SS18: variants seen among roughly 807,000 people sequenced by gnomAD.
The protein encoded by SS18 is SS18 subunit of BAF chromatin remodeling complex, also known as protein SSXT.
SS18 carries 28 observed loss-of-function variants against 72.5 expected under a neutral mutation model. The ratio of observed to expected loss-of-function variants is 0.39; its 90% CI spans 0.29 to 0.53. The LOEUF is 0.53. Ranked by LOEUF, SS18 falls within the 20% of genes least tolerant of loss-of-function variation. The pLI is 0.76. For synonymous variants in SS18, 172 were observed against 164.2 expected (o/e 1.05, Z -0.37); for missense variants, 518 against 535.3 (o/e 0.97, Z 0.32).
At chr18:26,082,612 T>A in intron 2 of SS18, 1 of 641,610 alleles carries the variant, frequency 1.6e-6, no homozygotes, top group Non-Finnish European at 1.9e-6. Context: ...AGTGAATCAG[T>A]AACACATTCT....
At chr18:26,025,373 C>A (rs772829336) in intron 10 of SS18, among the ~76,000 whole-genome samples, 3 of 151,952 alleles carry the variant, frequency 2.0e-5, no homozygotes, top group Non-Finnish European at 4.4e-5. Flanking sequence ...TAATAAAGTT[C>A]TGGGCAGAAA....
At chr18:26,046,191 C>CAAAAAAAAAAAAAAAA (rs760639087) in intron 5 of SS18, among the ~76,000 whole-genome samples, 3 of 45,060 alleles carry the variant, frequency 6.7e-5, no homozygotes, top group Non-Finnish European at 1.2e-4. Flanking sequence ...GACTCCGTCT[C>CAAAAAAAAAAAAAAAA]AAAAAAAAAA....
chr18:26,041,874 G>C (rs1233778640), intron 5 of SS18, among the ~76,000 whole-genome samples: 1 of 152,078 alleles, frequency 6.6e-6, no homozygotes, highest in African/African-American at 2.4e-5. Context: ...TTGGGACTGT[G>C]AGCAGTTCCA....
intron 3 of SS18, among the ~76,000 whole-genome samples, chr18:26,072,999 T>G (rs529735952): frequency 6.6e-5 from 10 of 152,012 alleles, no homozygotes; most frequent in Admixed American, 2.0e-4. Context: ...CCTAACCTAA[T>G]AGACATATAT....
intron 7 of SS18, 48 bp downstream of exon 7, chr18:26,038,507 T>G (rs756933111): frequency 1.3e-6 from 2 of 1,498,932 alleles, no homozygotes; most frequent in Non-Finnish European, 1.9e-6. Flanking sequence ...TCTACATTAA[T>G]ATTAGGCAGG....
Position 26,035,665 on chromosome 18 carries a change from T to C in SS18, c.973+166A>G. 1 of 423,388 alleles carries C rather than the reference T, an allele frequency of 2.4e-6. No individual in the cohort carries two copies. Among genetic ancestry groups the C allele is most frequent in the Non-Finnish European group, 4.2e-6 (1 of 240,072 alleles). The allele number at this position is 423,388 out of a possible 1,614,324, so 26.2% of individuals were successfully genotyped here. ...AGTCATGGTTATACATTTTAAATAT[T>C]TGTAAGGAAATTATTTTGATTGTTT... is the stretch of plus-strand genomic sequence containing the variant. On this transcript the variant is annotated intron_variant, in intron 8 of 10. Transcript: ENST00000415083. This position sits in a 1 kb window ranked among gnomAD's most constrained non-coding sequence, Gnocchi z 4.4.
intron 7 of SS18, among the ~76,000 whole-genome samples, chr18:26,036,359 G>A (rs1475254049): frequency 1.3e-5 from 2 of 152,098 alleles, no homozygotes; most frequent in Non-Finnish European, 2.9e-5. Flanking sequence ...ATATAAAAGA[G>A]TTCCATAAGT....
At chr18:26,080,313 G>C (rs905327893) in intron 2 of SS18, 65 of 984,878 alleles carry the variant, frequency 6.6e-5, no homozygotes, top group Non-Finnish European at 7.8e-5. Flanking sequence ...ACCTGTTTCA[G>C]TCTAGGCCTT....
rs1189237936 is a variant in SS18 at position 26,016,935 on chromosome 18, C to T, written c.*1419G>A. 8.9e-6 allele frequency: 2 copies of T among 224,698 alleles called. No individual in the cohort carries two copies. The highest frequency in any genetic ancestry group is 1.8e-5 in the Non-Finnish European group (2 of 112,540). 13.9% of individuals were successfully genotyped at this position (224,698 alleles called of 1,614,324 possible). ...CAGTTAGACGTGGGAAAAACCAATT[C>T]AATTATAAAGAATACATCTTATTCC... On this transcript the variant is annotated 3_prime_UTR_variant, in exon 11 of 11. Transcript: ENST00000415083.
At chr18:26,018,937 C>T (rs749252555) in intron 10 of SS18, among the ~76,000 whole-genome samples, 17 of 152,012 alleles carry the variant, frequency 1.1e-4, no homozygotes, top group Non-Finnish European at 2.5e-4. Flanking sequence ...GGTATTTAGA[C>T]AGGCCACAGG....
chr18:26,034,292 T>C (rs1210433003), intron 9 of SS18, among the ~76,000 whole-genome samples: 1 of 152,198 alleles, frequency 6.6e-6, no homozygotes, highest in Non-Finnish European at 1.5e-5. Flanking sequence ...TCAGTATTCA[T>C]AAGCAGCTAC....
chr18:26,040,528 TCA>T (rs1383226157), intron 5 of SS18, among the ~76,000 whole-genome samples: 1 of 152,192 alleles, frequency 6.6e-6, no homozygotes, highest in Non-Finnish European at 1.5e-5. Context: ...TGGAAAGGTT[TCA>T]CAGATGAAAC....
Position 26,038,425 on chromosome 18 carries a change from T to C in SS18, c.880+130A>G. On this transcript the variant is annotated intron_variant, in intron 7 of 10. Transcript: ENST00000415083. ...TGCTATCATTGGTACTTTAGAGTAC[T>C]GAAGTGTTTCAAAATTTAGAGGAAA... 3 of 773,018 alleles carry C rather than the reference T, an allele frequency of 3.9e-6. No homozygotes were observed. The South Asian group carries it at 4.8e-5, about 12-fold the overall frequency. The allele number at this position is 773,018 out of a possible 1,614,324, so 47.9% of individuals were successfully genotyped here.
intron 3 of SS18, among the ~76,000 whole-genome samples, chr18:26,072,944 A>C (rs2054342495): frequency 6.6e-6 from 1 of 152,172 alleles, no homozygotes; most frequent in Admixed American, 6.6e-5. Context: ...AAAAAACAAC[A>C]ATCATTAAGG....
rs2053682208 is a variant in SS18 at position 26,039,294 on chromosome 18, TGAG to T, written c.767_769del (p.Pro256del). 2 of 1,606,664 alleles carry T rather than the reference TGAG, an allele frequency of 1.2e-6. No homozygotes were observed. Among genetic ancestry groups the T allele is most frequent in the South Asian group, 2.2e-5 (2 of 89,756 alleles). ...TTTTCCAAATGGAATCTTACCCTGTTGAGGAGGTCTATAGGGAGGAATCTGTCT... is the reference window on the plus strand; with the variant it reads ...TTTTCCAAATGGAATCTTACCCTGTTGAGGTCTATAGGGAGGAATCTGTCT... On this transcript the variant is annotated inframe_deletion, in exon 6 of 11. Coordinates refer to ENST00000415083, the MANE Select transcript of SS18 (RefSeq NM_001007559.3).
intron 4 of SS18, among the ~76,000 whole-genome samples, chr18:26,053,425 A>G (rs2053958066): frequency 6.6e-6 from 1 of 151,176 alleles, no homozygotes; most frequent in African/African-American, 2.5e-5. Flanking sequence ...ATAATAATGG[A>G]AGGACCTTCT....
At chr18:26,042,955 A>C (rs2053756165) in intron 5 of SS18, among the ~76,000 whole-genome samples, 1 of 152,174 alleles carries the variant, frequency 6.6e-6, no homozygotes. Context: ...AAATTTTATA[A>C]AAATTGTATC....
upstream of SS18, chr18:26,090,647 C>T: frequency 1.4e-6 from 2 of 1,422,810 alleles, no homozygotes; most frequent in African/African-American, 1.4e-5. Flanking sequence ...GCCGGCCTCT[C>T]GGGCTGAACC....
intron 9 of SS18, among the ~76,000 whole-genome samples, chr18:26,033,084 A>C (rs147414237): frequency 1.9e-3 from 286 of 152,392 alleles, no homozygotes; most frequent in Non-Finnish European, 3.0e-3. Context: ...CCCACAGGTT[A>C]CATGTGAAAA....
Sources: allele counts gnomAD v4.1 joint callset (sites outside exome capture counted in the v4.1 genomes callset), GRCh38; gene constraint gnomAD v4.1.1; non-coding constraint Gnocchi (gnomAD v3.1); transcripts MANE v1.5; gene names NCBI Gene and HGNC (gene_info 2026-07-23, HGNC 2026-07-21).